The following DCAF4L1 variants were observed in gnomAD, a reference collection of about 807,000 sequenced individuals.
The protein encoded by DCAF4L1 is DDB1 and CUL4 associated factor 4 like 1.
Under a neutral mutation model 28.2 loss-of-function variants are expected in DCAF4L1, and 4 were observed. The observed-to-expected ratio is 0.14, with a 90% CI of 0.07 to 0.33. The LOEUF (loss-of-function observed/expected upper bound fraction) is 0.33, where lower values mean the gene tolerates loss of function less well. Among genes scored for constraint, DCAF4L1 ranks in the 10% least tolerant of loss-of-function variants. The pLI is 1.00. For missense variants in DCAF4L1, 331 were observed against 506.1 expected (o/e 0.65, Z 3.32); for synonymous variants, 252 against 212.1 (o/e 1.19, Z -1.63).
At position 41,982,833 on chromosome 4, in the gene DCAF4L1, C is replaced by T. The variant is rs1051350552; in HGVS notation, c.1041C>T (p.His347=). The T allele has an allele frequency of 4.3e-6, 7 of 1,614,082 alleles. No individual in the cohort carries two copies. Among genetic ancestry groups the T allele is most frequent in the Non-Finnish European group, 5.9e-6 (7 of 1,180,048 alleles). Residue 347 remains histidine (H), a synonymous_variant, in exon 1 of 1, where the codon CAC becomes CAT. Coordinates refer to ENST00000333141, the MANE Select transcript of DCAF4L1 (RefSeq NM_001029955.4). This position sits in a 1 kb window ranked among gnomAD's most constrained non-coding sequence, Gnocchi z 4.4. ...YTRIWSLHDA[H]LLRTIPSPYS... is the part of the protein sequence containing the mutation. ...GAATCTGGAGCCTCCATGATGCCCACCTGCTCAGAACCATCCCTTCCCCGT... is the reference window on the plus strand; with the variant it reads ...GAATCTGGAGCCTCCATGATGCCCATCTGCTCAGAACCATCCCTTCCCCGT...
chr4:41,982,944 G>A lies in DCAF4L1; in HGVS notation c.1152G>A (p.Met384Ile). The A allele has an allele frequency of 6.2e-7, 1 of 1,613,470 alleles. No homozygotes were observed. The highest frequency in any genetic ancestry group is 8.5e-7 in the Non-Finnish European group (1 of 1,179,688). ...GGGGAGCAGCACCAGGGCTGCTCAT[G>A]GCTGTCCGGCAGGACCTTTATTGTT... ...GIRGAAPGLL[M>I]AVRQDLYCFP... The change falls in exon 1 of 1, where the codon ATG (methionine) becomes ATA (isoleucine). Residue 384 changes from methionine (M) to isoleucine (I), a missense_variant. Met to Ile is a conservative substitution (Grantham distance 10, BLOSUM62 1). Coordinates refer to ENST00000333141, the MANE Select transcript of DCAF4L1 (RefSeq NM_001029955.4). This position sits in a 1 kb window ranked among gnomAD's most constrained non-coding sequence, Gnocchi z 4.4.
At position 41,986,044 on chromosome 4, in the gene DCAF4L1, C is replaced by G. The variant is rs1388474584; in HGVS notation, c.*3061C>G. 1 of 167,112 alleles carries G rather than the reference C, an allele frequency of 6.0e-6. No individual in the cohort carries two copies. The highest frequency in any genetic ancestry group is 1.5e-5 in the Non-Finnish European group (1 of 68,154). 10.4% of individuals were successfully genotyped at this position (167,112 alleles called of 1,614,324 possible). A position where few individuals can be genotyped will look rare whatever the true frequency, so the allele number is the denominator to read the frequency against. On this transcript the variant is annotated 3_prime_UTR_variant, in exon 1 of 1. Coordinates refer to ENST00000333141, the MANE Select transcript of DCAF4L1 (RefSeq NM_001029955.4). Reference sequence around the variant, plus strand: ...GGGGGAACTTATATATAGGGATGGTCCAGTGGTAGTAGGCTGGACAGAAGA... The same window carrying G: ...GGGGGAACTTATATATAGGGATGGTGCAGTGGTAGTAGGCTGGACAGAAGA...
rs1022206177 is a variant in DCAF4L1, at chr4:41,982,165, C to A, written c.373C>A (p.Arg125=). Residue 125 remains arginine, a synonymous_variant, in exon 1 of 1, where the codon CGG becomes AGG. Transcript: ENST00000333141. This position sits in a 1 kb window ranked among gnomAD's most constrained non-coding sequence, Gnocchi z 4.4. The part of the protein sequence containing the change: ...YVLRNLYVPN[R]KVKSLCWASL... ...GCTCAGAAACCTCTACGTCCCCAAC[C>A]GGAAGGTGAAGTCCCTGTGCTGGGC... is the stretch of plus-strand genomic sequence containing the variant. The A allele has an allele frequency of 1.2e-6, 2 of 1,614,090 alleles. No homozygotes were observed.
rs929313929 is a variant in DCAF4L1, at chr4:41,986,301, C to T, written c.*3318C>T. On this transcript the variant is annotated 3_prime_UTR_variant, in exon 1 of 1. Transcript: ENST00000333141. ...CTGAGCACACATTCGTTTTAGATCA[C>T]AGGGTCGTTCTCAGGATATGGTTGT... is the stretch of plus-strand genomic sequence containing the variant. The T allele has an allele frequency of 3.0e-5, 5 of 167,088 alleles. No homozygotes were observed. Among genetic ancestry groups the T allele is most frequent in the African/African-American group, 1.2e-4 (5 of 41,430 alleles). 10.4% of individuals were successfully genotyped at this position (167,088 alleles called of 1,614,324 possible).
Position 41,982,124 on chromosome 4 carries a change from C to T in DCAF4L1, c.332C>T (p.Ser111Leu), listed in dbSNP as rs1427420580. The part of the protein sequence containing the change: ...IISLRTLKIP[S>L]FHVYVLRNLY... ...AGCCTGCGAACTCTGAAGATCCCTT[C>T]GTTCCACGTGTACGTGCTCAGAAAC... The change falls in exon 1 of 1, where the codon TCG becomes TTG. Residue 111 changes from serine to leucine, a missense_variant. Coordinates refer to ENST00000333141, the MANE Select transcript of DCAF4L1 (RefSeq NM_001029955.4). This position sits in a 1 kb window ranked among gnomAD's most constrained non-coding sequence, Gnocchi z 4.4. The T allele has an allele frequency of 6.2e-7, 1 of 1,614,238 alleles. No individual in the cohort carries two copies. Among genetic ancestry groups the T allele is most frequent in the Non-Finnish European group, 8.5e-7 (1 of 1,180,046 alleles).
Position 41,982,164 on chromosome 4 carries a change from C to A in DCAF4L1, c.372C>A (p.Asn124Lys), listed in dbSNP as rs1291324440. The change falls in exon 1 of 1, where the codon AAC (asparagine) becomes AAA (lysine). Residue 124 changes from asparagine (N) to lysine (K), a missense_variant. Coordinates refer to ENST00000333141, the MANE Select transcript of DCAF4L1 (RefSeq NM_001029955.4). The surrounding 1 kb of genome is among the most constrained non-coding windows in gnomAD (Gnocchi z 4.4). ...TGCTCAGAAACCTCTACGTCCCCAA[C>A]CGGAAGGTGAAGTCCCTGTGCTGGG... ...VYVLRNLYVP[N>K]RKVKSLCWAS... is the part of the protein sequence containing the mutation. 1 of 1,614,244 alleles carries A rather than the reference C, an allele frequency of 6.2e-7. No homozygotes were observed. Among genetic ancestry groups the A allele is most frequent in the Admixed American group, 1.7e-5 (1 of 60,032 alleles).
At position 41,984,709 on chromosome 4, in the gene DCAF4L1, A is replaced by G. The variant is rs936649788; in HGVS notation, c.*1726A>G. The G allele has an allele frequency of 6.0e-5, 10 of 167,078 alleles. No homozygotes were observed. The highest frequency in any genetic ancestry group is 2.4e-4 in the African/African-American group (10 of 41,448). 10.3% of individuals were successfully genotyped at this position (167,078 alleles called of 1,614,324 possible). A position where few individuals can be genotyped will look rare whatever the true frequency, so the allele number is the denominator to read the frequency against. ...ATCAGGGGTCATGTCATGGCTGGTAATACAAATTTGGTGACTTCAATACAT... is the reference window on the plus strand; with the variant it reads ...ATCAGGGGTCATGTCATGGCTGGTAGTACAAATTTGGTGACTTCAATACAT... On this transcript the variant is annotated 3_prime_UTR_variant, in exon 1 of 1. Transcript: ENST00000333141.
rs751337189 is a variant in DCAF4L1 at position 41,982,576 on chromosome 4, T to G, written c.784T>G (p.Trp262Gly). 8.1e-5 allele frequency: 131 copies of G among 1,613,886 alleles called. 1 individual carries two copies. The highest frequency in any genetic ancestry group is 7.5e-5 in the Non-Finnish European group (88 of 1,180,012). ...GCGTTGTAGAAATCGAGGCAAGGGG[T>G]GGAGGGCCACTCGCCTGTTCCATGA... is the stretch of plus-strand genomic sequence containing the variant. ...DLRCRNRGKG[W>G]RATRLFHDSA... The change falls in exon 1 of 1, where the codon TGG becomes GGG. Residue 262 changes from tryptophan to glycine, a missense_variant. By Grantham distance (184) the Trp-to-Gly change is radical. Transcript: ENST00000333141. The surrounding 1 kb of genome is among the most constrained non-coding windows in gnomAD (Gnocchi z 4.4).
Position 41,981,995 on chromosome 4 carries a change from C to T in DCAF4L1, c.203C>T (p.Ser68Phe). 1 of 1,614,244 alleles carries T rather than the reference C, an allele frequency of 6.2e-7. No homozygotes were observed. Among genetic ancestry groups the T allele is most frequent in the Non-Finnish European group, 8.5e-7 (1 of 1,180,034 alleles). Reference sequence around the variant, plus strand: ...CAAATTCGGAGCTTGGATCCCTCCTCTTTGGCGAGCGACCGATTTAACTTC... The same window carrying T: ...CAAATTCGGAGCTTGGATCCCTCCTTTTTGGCGAGCGACCGATTTAACTTC... ...KVQIRSLDPS[S>F]LASDRFNFIL... Residue 68 changes from serine to phenylalanine, a missense_variant, in exon 1 of 1, where the codon TCT becomes TTT. By Grantham distance (155) the Ser-to-Phe change is radical. Transcript: ENST00000333141.
Position 41,985,130 on chromosome 4 carries a change from C to T in DCAF4L1, c.*2147C>T, listed in dbSNP as rs1208974875. 6.0e-6 allele frequency: 1 copy of T among 166,474 alleles called. No homozygotes were observed. Among genetic ancestry groups the T allele is most frequent in the Non-Finnish European group, 1.5e-5 (1 of 68,032 alleles). 10.3% of individuals were successfully genotyped at this position (166,474 alleles called of 1,614,324 possible). ...TATGTATATATATATATGTCTGATA[C>T]TGATATGTCATTTATTTGGCAATTG... On this transcript the variant is annotated 3_prime_UTR_variant, in exon 1 of 1. Coordinates refer to ENST00000333141, the MANE Select transcript of DCAF4L1 (RefSeq NM_001029955.4).
In DCAF4L1 at chr4:41,982,303, GT is replaced by G; in HGVS notation, c.513del (p.Asn172ThrfsTer39). ...GCGGTTCTTAAGTGTTCACACAAGA[GT>G]TAACCAGCCTGGCATGCTCTGCAGT... ...ASRFLSVHTRVNQPGMLCSFQ... is the reference protein window; with the variant it reads ...ASRFLSVHTRXNQPGMLCSFQ... On this transcript the variant is annotated frameshift_variant, in exon 1 of 1. Coordinates refer to ENST00000333141, the MANE Select transcript of DCAF4L1 (RefSeq NM_001029955.4). LOFTEE classifies it high-confidence loss of function. This position sits in a 1 kb window ranked among gnomAD's most constrained non-coding sequence, Gnocchi z 4.4. 1 of 1,614,244 alleles carries G rather than the reference GT, an allele frequency of 6.2e-7. No homozygotes were observed. Among genetic ancestry groups the G allele is most frequent in the East Asian group, 2.2e-5 (1 of 44,876 alleles).
Position 41,982,770 on chromosome 4 carries a change from G to A in DCAF4L1, c.978G>A (p.Glu326=), listed in dbSNP as rs747548065. 4.3e-6 allele frequency: 7 copies of A among 1,614,256 alleles called. No homozygotes were observed. In the South Asian group the frequency reaches 4.4e-5, roughly 10 times the overall value. The change falls in exon 1 of 1, where the codon GAG becomes GAA. Residue 326 remains glutamate (E), a synonymous_variant. Coordinates refer to ENST00000333141, the MANE Select transcript of DCAF4L1 (RefSeq NM_001029955.4). This position sits in a 1 kb window ranked among gnomAD's most constrained non-coding sequence, Gnocchi z 4.4. The part of the protein sequence containing the change: ...AYLPLHVHEE[E]GIVVAVGQDC... ...TGCCCCTGCATGTGCACGAGGAAGA[G>A]GGAATCGTGGTGGCAGTGGGCCAGG... is the stretch of plus-strand genomic sequence containing the variant.
At position 41,983,048 on chromosome 4, in the gene DCAF4L1, C is replaced by A; in HGVS notation, c.*65C>A. 3 of 1,402,674 alleles carry A rather than the reference C, an allele frequency of 2.1e-6. No individual in the cohort carries two copies. The highest frequency in any genetic ancestry group is 1.4e-5 in the South Asian group (1 of 73,068). 86.9% of individuals were successfully genotyped at this position (1,402,674 alleles called of 1,614,324 possible). A position where few individuals can be genotyped will look rare whatever the true frequency, so the allele number is the denominator to read the frequency against. On this transcript the variant is annotated 3_prime_UTR_variant, in exon 1 of 1. Transcript: ENST00000333141. ...AAGGAAGTTAAGAGTATCTTATTAC[C>A]GTTTCTGTGAGAGCATTTTAAGAGA...
rs562595420 is a variant in DCAF4L1 at position 41,983,097 on chromosome 4, A to C, written c.*114A>C. The C allele has an allele frequency of 6.6e-6, 6 of 912,804 alleles. No individual in the cohort carries two copies. The South Asian group carries it at 8.8e-5, about 13-fold the overall frequency. The allele number at this position is 912,804 out of a possible 1,614,324, so 56.5% of individuals were successfully genotyped here. On this transcript the variant is annotated 3_prime_UTR_variant, in exon 1 of 1. Coordinates refer to ENST00000333141, the MANE Select transcript of DCAF4L1 (RefSeq NM_001029955.4). The stretch of plus-strand genomic sequence containing the variant: ...GACGTGTTGTATATAGATCGCATCC[A>C]TCCGGCTGCCAGGGGTAAGGTGTTA...
In DCAF4L1 at chr4:41,981,914, G is replaced by A. The variant is rs1241113733; in HGVS notation, c.122G>A (p.Ser41Asn). The stretch of plus-strand genomic sequence containing the variant: ...CAGCTAGGTTTCCTCAACGTCACCA[G>A]TTACTCCCGTTTAGCCAACGAGCTG... ...KSQLGFLNVT[S>N]YSRLANELRV... Residue 41 changes from serine (S) to asparagine (N), a missense_variant, in exon 1 of 1, where the codon AGT becomes AAT. Ser to Asn is a conservative substitution (Grantham distance 46). Transcript: ENST00000333141. 6.2e-7 allele frequency: 1 copy of A among 1,614,252 alleles called. No individual in the cohort carries two copies. Among genetic ancestry groups the A allele is most frequent in the Non-Finnish European group, 8.5e-7 (1 of 1,180,046 alleles).
rs949749177 is a variant in DCAF4L1 at position 41,985,929 on chromosome 4, T to C, written c.*2946T>C. 2.4e-5 allele frequency: 4 copies of C among 167,116 alleles called. No homozygotes were observed. Among genetic ancestry groups the C allele is most frequent in the African/African-American group, 9.7e-5 (4 of 41,440 alleles). 10.4% of individuals were successfully genotyped at this position (167,116 alleles called of 1,614,324 possible). ...TAGGAAGCTAGCAATGCTGGTGTCA[T>C]GCCAGACCCCTAGTGACTCCAATAG... is the stretch of plus-strand genomic sequence containing the variant. On this transcript the variant is annotated 3_prime_UTR_variant, in exon 1 of 1. Coordinates refer to ENST00000333141, the MANE Select transcript of DCAF4L1 (RefSeq NM_001029955.4).
At position 41,983,094 on chromosome 4, in the gene DCAF4L1, T is replaced by G; in HGVS notation, c.*111T>G. On this transcript the variant is annotated 3_prime_UTR_variant, in exon 1 of 1. Coordinates refer to ENST00000333141, the MANE Select transcript of DCAF4L1 (RefSeq NM_001029955.4). Reference sequence around the variant, plus strand: ...AGAGACGTGTTGTATATAGATCGCATCCATCCGGCTGCCAGGGGTAAGGTG... The same window carrying G: ...AGAGACGTGTTGTATATAGATCGCAGCCATCCGGCTGCCAGGGGTAAGGTG... The G allele has an allele frequency of 1.1e-6, 1 of 926,830 alleles. No homozygotes were observed. Among genetic ancestry groups the G allele is most frequent in the Non-Finnish European group, 1.6e-6 (1 of 617,768 alleles). 57.4% of individuals were successfully genotyped at this position (926,830 alleles called of 1,614,324 possible).
chr4:41,983,096 C>CGGATGGATGCG lies in DCAF4L1; in HGVS notation c.*113_*114insGGATGGATGCG. The CGGATGGATGCG allele has an allele frequency of 2.2e-6, 2 of 915,710 alleles. No homozygotes were observed. The highest frequency in any genetic ancestry group is 3.3e-6 in the Non-Finnish European group (2 of 607,986). The allele number at this position is 915,710 out of a possible 1,614,324, so 56.7% of individuals were successfully genotyped here. On this transcript the variant is annotated 3_prime_UTR_variant, in exon 1 of 1. Transcript: ENST00000333141. ...AGACGTGTTGTATATAGATCGCATCCATCCGGCTGCCAGGGGTAAGGTGTT... is the reference window on the plus strand; with the variant it reads ...AGACGTGTTGTATATAGATCGCATCCGGATGGATGCGATCCGGCTGCCAGGGGTAAGGTGTT...
rs376048001 is a variant in DCAF4L1, at chr4:41,982,134, G to C, written c.342G>C (p.Val114=). 1.2e-6 allele frequency: 2 copies of C among 1,614,226 alleles called. No individual in the cohort carries two copies. Among genetic ancestry groups the C allele is most frequent in the African/African-American group, 1.3e-5 (1 of 75,050 alleles). The change falls in exon 1 of 1, where the codon GTG becomes GTC. Residue 114 remains valine (V), a synonymous_variant. Coordinates refer to ENST00000333141, the MANE Select transcript of DCAF4L1 (RefSeq NM_001029955.4). The surrounding 1 kb of genome is among the most constrained non-coding windows in gnomAD (Gnocchi z 4.4). ...CTCTGAAGATCCCTTCGTTCCACGT[G>C]TACGTGCTCAGAAACCTCTACGTCC... The part of the protein sequence containing the change: ...LRTLKIPSFH[V]YVLRNLYVPN...
Sources: gnomAD v4.1 joint callset for allele counts on GRCh38, gnomAD v4.1.1 for gene constraint, Gnocchi (gnomAD v3.1) non-coding constraint, MANE v1.5 for transcripts, NCBI Gene and HGNC (gene_info 2026-07-23, HGNC 2026-07-21) for gene names.